The following NRG4 variants were observed in gnomAD, a reference collection of about 807,000 sequenced individuals.
NRG4 encodes pro-neuregulin-4, membrane-bound isoform.
A neutral mutation model predicts 15.0 loss-of-function variants in NRG4; 10 were observed. The ratio of observed to expected loss-of-function variants is 0.67; its 90% CI spans 0.41 to 1.13. NRG4 has a LOEUF of 1.13. NRG4 is among the 50% of genes most tolerant of loss of function. The probability of loss-of-function intolerance (pLI) is 0.00; values close to 1 mark genes in which losing one functional copy is unlikely to be tolerated. For synonymous variants in NRG4, 41 were observed against 50.1 expected, an observed-to-expected ratio of 0.82 and a Z score of 0.77; for missense variants, 139 against 140.2, an observed-to-expected ratio of 0.99 and a Z score of 0.04.
intron 4 of NRG4, 63 bp from the exon 5 acceptor site, chr15:75,956,074 C>T: frequency 1.1e-6 from 1 of 903,114 alleles, no homozygotes; most frequent in Non-Finnish European, 1.7e-6. Context: ...TGTCAGAAGA[C>T]CTAGAAAGAA....
At position 75,961,893 on chromosome 15, in the gene NRG4, A is replaced by T; in HGVS notation, c.186T>A (p.Phe62Leu). 1 of 1,613,680 alleles carries T rather than the reference A, an allele frequency of 6.2e-7. No homozygotes were observed. Among genetic ancestry groups the T allele is most frequent in the Non-Finnish European group, 8.5e-7 (1 of 1,179,610 alleles). The change falls in exon 4 of 6, where the codon TTT becomes TTA. Residue 62 changes from phenylalanine to leucine, a missense_variant. Coordinates refer to ENST00000394907, the MANE Select transcript of NRG4 (RefSeq NM_138573.4). ...GGACCGCCAATGCCACAAAAGCTTC[A>T]AACAGGTTACTTTTAGTTTGGATGC... ...GSSIQTKSNL[F>L]EAFVALAVLV...
At chr15:76,007,787 T>C (rs868763643) in intron 3 of NRG4, among the ~76,000 whole-genome samples, 1 of 152,196 alleles carries the variant, frequency 6.6e-6, no homozygotes, top group African/African-American at 2.4e-5. Flanking sequence ...ACGTGCCATA[T>C]CACCTTAGAA....
chr15:75,950,578 T>C, intron 5 of NRG4: 1 of 246,490 alleles, frequency 4.1e-6, no homozygotes, highest in Middle Eastern at 5.5e-4. Context: ...CTCCGTTGTT[T>C]CCAGCATCCT....
intron 5 of NRG4, chr15:75,951,026 T>TA (rs1484110172): frequency 6.2e-6 from 1 of 160,822 alleles, no homozygotes; most frequent in Non-Finnish European, 1.4e-5. Context: ...GAATGTTTCA[T>TA]AAAAAGGAGC....
chr15:75,988,697 T>G (rs1371727420), intron 3 of NRG4, among the ~76,000 whole-genome samples: 1 of 152,070 alleles, frequency 6.6e-6, no homozygotes, highest in Non-Finnish European at 1.5e-5. Flanking sequence ...GAACTAGAGA[T>G]ATTAGAGCTG....
chr15:76,043,580 TAATC>T (rs1170445195), intron 4 of NRG4, among the ~76,000 whole-genome samples: 2 of 152,184 alleles, frequency 1.3e-5, no homozygotes, highest in Non-Finnish European at 2.9e-5. Context: ...GGAATTCACT[TAATC>T]AAAGAAGTGA....
At chr15:75,987,588 C>A (rs1269068755) in intron 3 of NRG4, among the ~76,000 whole-genome samples, 1 of 152,124 alleles carries the variant, frequency 6.6e-6, no homozygotes, top group African/African-American at 2.4e-5. Context: ...GTATGCAGCA[C>A]GAAGATGTCC....
At chr15:76,005,495 G>C (rs2034567781) in intron 3 of NRG4, among the ~76,000 whole-genome samples, 2 of 151,652 alleles carry the variant, frequency 1.3e-5, no homozygotes, top group South Asian at 4.2e-4. Context: ...AGACCAGCCT[G>C]GCTAAAATGG....
At chr15:76,010,569 C>G (rs74024059) in intron 2 of NRG4, among the ~76,000 whole-genome samples, 5,613 of 151,934 alleles carry the variant, frequency 0.037, 182 homozygotes, top group African/African-American at 0.085. Flanking sequence ...AATGTAAAGA[C>G]GAAATCAGAA....
Position 76,009,235 on chromosome 15 carries a change from A to G in NRG4, c.69T>C (p.Cys23=). The G allele has an allele frequency of 6.2e-7, 1 of 1,604,432 alleles. No homozygotes were observed. Among genetic ancestry groups the G allele is most frequent in the Non-Finnish European group, 8.5e-7 (1 of 1,171,878 alleles). ...GGCTGGGAATAGTAGGTATCACATA[A>G]CAAAGCCCCCCATTCAGGCAAAACG... is the stretch of plus-strand genomic sequence containing the variant. ...HKSFCLNGGL[C]YVIPTIPSPF... is the part of the protein sequence containing the mutation. Residue 23 remains cysteine (C), a synonymous_variant, in exon 3 of 6, where the codon TGT becomes TGC. Coordinates refer to ENST00000394907, the MANE Select transcript of NRG4 (RefSeq NM_138573.4).
chr15:75,993,711 A>T (rs2034113639), intron 3 of NRG4, among the ~76,000 whole-genome samples: 1 of 151,882 alleles, frequency 6.6e-6, no homozygotes, highest in Non-Finnish European at 1.5e-5. Flanking sequence ...AAAAAAAAAA[A>T]TCTGTTTTTC....
chr15:75,964,680 C>T, intron 3 of NRG4, among the ~76,000 whole-genome samples: 1 of 151,780 alleles, frequency 6.6e-6, no homozygotes, highest in East Asian at 1.9e-4. Context: ...AATCCCAGCA[C>T]TTTGCGAGGC....
chr15:76,035,596 T>C (rs2035580666), intron 5 of NRG4, among the ~76,000 whole-genome samples: 2 of 151,892 alleles, frequency 1.3e-5, no homozygotes, highest in South Asian at 4.1e-4. Context: ...CCTCAGGCAG[T>C]GTTATAGAAA....
At chr15:76,049,652 A>G (rs2035951046) in intron 4 of NRG4, among the ~76,000 whole-genome samples, 1 of 151,048 alleles carries the variant, frequency 6.6e-6, no homozygotes, top group South Asian at 2.1e-4. Context: ...TTCCAATATA[A>G]CCACTTACTT....
At chr15:76,010,317 A>G (rs1334514778) in intron 2 of NRG4, among the ~76,000 whole-genome samples, 1 of 152,136 alleles carries the variant, frequency 6.6e-6, no homozygotes, top group African/African-American at 2.4e-5. Context: ...AGAATCATCT[A>G]ATCAGAATAA....
intron 3 of NRG4, among the ~76,000 whole-genome samples, chr15:75,989,863 T>C (rs1443087061): frequency 6.6e-6 from 1 of 152,228 alleles, no homozygotes; most frequent in Non-Finnish European, 1.5e-5. Flanking sequence ...CTAGATTTTG[T>C]TGTCTTTGTT....
intron 3 of NRG4, among the ~76,000 whole-genome samples, chr15:75,966,839 G>A (rs1379622063): frequency 3.3e-5 from 5 of 152,074 alleles, no homozygotes; most frequent in Admixed American, 6.6e-5. Flanking sequence ...TAAGTCAGCT[G>A]GGCGCGGTGG....
intron 5 of NRG4, among the ~76,000 whole-genome samples, chr15:76,026,060 G>A (rs2035308714): frequency 6.6e-6 from 1 of 151,950 alleles, no homozygotes; most frequent in Admixed American, 6.6e-5. Flanking sequence ...TTGCATTATG[G>A]GCATTCCAGA....
Position 75,961,837 on chromosome 15 carries a change from A to C in NRG4, c.242T>G (p.Phe81Cys). 1 of 1,611,866 alleles carries C rather than the reference A, an allele frequency of 6.2e-7. No homozygotes were observed. Among genetic ancestry groups the C allele is most frequent in the Non-Finnish European group, 8.5e-7 (1 of 1,178,804 alleles). The change falls in exon 4 of 6, where the codon TTC (phenylalanine) becomes TGC (cysteine). Residue 81 changes from phenylalanine (F) to cysteine (C), a missense_variant. Phe to Cys is a radical substitution (Grantham distance 205). Transcript: ENST00000394907. Reference protein sequence around the residue: ...LVTLIIGAFYFLCRKGHFQRA... With the variant: ...LVTLIIGAFYCLCRKGHFQRA... Reference sequence around the variant, plus strand: ...TTTCTATTTTACTTACCTGCAAAGGAAGTAGAAGGCTCCAATGATAAGTGT... The same window carrying C: ...TTTCTATTTTACTTACCTGCAAAGGCAGTAGAAGGCTCCAATGATAAGTGT...
Sources: gnomAD v4.1 joint callset for allele counts (sites outside exome capture counted in the v4.1 genomes callset) on GRCh38, gnomAD v4.1.1 for gene constraint, MANE v1.5 for transcripts, NCBI Gene and HGNC (gene_info 2026-07-23, HGNC 2026-07-21) for gene names.